Variants in MSRB3 observed in about 807,000 individuals in gnomAD.
MSRB3 encodes the protein methionine sulfoxide reductase B3, also known as methionine-R-sulfoxide reductase B3.
A neutral mutation model predicts 21.0 loss-of-function variants in MSRB3; 13 were observed. The ratio of observed to expected loss-of-function variants is 0.62; its 90% CI spans 0.40 to 0.98. MSRB3 has a LOEUF of 0.98. Ranked by LOEUF, MSRB3 falls within the 50% of genes least tolerant of loss-of-function variation. The probability of loss-of-function intolerance (pLI) is 0.00; values close to 1 mark genes in which losing one functional copy is unlikely to be tolerated. For missense variants in MSRB3, 199 were observed against 230.3 expected (o/e 0.86, Z 0.88); for synonymous variants, 87 against 88.6 (o/e 0.98, Z 0.10).
intron 5 of MSRB3, among the ~76,000 whole-genome samples, chr12:65,380,477 G>C (rs1056182848): frequency 3.3e-5 from 5 of 152,086 alleles, no homozygotes; most frequent in Non-Finnish European, 1.5e-5. Context: ...TTGGGAAGCT[G>C]AGGTGGAGAA....
At position 65,463,349 on chromosome 12, in the gene MSRB3, T is replaced by C; in HGVS notation, c.*27T>C. The stretch of plus-strand genomic sequence containing the variant: ...GTAATGGAGAGTGATGGAAACAAAG[T>C]GTACTTAATGCACAGCTTATTAAAA... On this transcript the variant is annotated 3_prime_UTR_variant, in exon 7 of 7. Coordinates refer to ENST00000308259, the MANE Select transcript of MSRB3 (RefSeq NM_001031679.3). 6.2e-7 allele frequency: 1 copy of C among 1,613,508 alleles called. No homozygotes were observed. The highest frequency in any genetic ancestry group is 8.5e-7 in the Non-Finnish European group (1 of 1,179,526).
intron 1 of MSRB3, among the ~76,000 whole-genome samples, chr12:65,290,417 C>G (rs1457044153): frequency 6.6e-6 from 1 of 152,138 alleles, no homozygotes; most frequent in African/African-American, 2.4e-5. Context: ...TCCCATTTAA[C>G]TTTTTAAGAT....
At chr12:65,335,299 G>GA (rs1875692338) in intron 4 of MSRB3, among the ~76,000 whole-genome samples, 3 of 152,138 alleles carry the variant, frequency 2.0e-5, no homozygotes, top group African/African-American at 7.2e-5. Flanking sequence ...ATTAGACAGG[G>GA]TCTGTCTGTT....
intron 5 of MSRB3, among the ~76,000 whole-genome samples, chr12:65,409,191 TACAC>T (rs569976939): frequency 5.9e-5 from 9 of 151,336 alleles, no homozygotes; most frequent in African/African-American, 1.9e-4. Flanking sequence ...TGTGTGTATA[TACAC>T]ACACACACAT....
chr12:65,419,668 T>G (rs1881174935), intron 5 of MSRB3: 1 of 721,318 alleles, frequency 1.4e-6, no homozygotes, highest in Admixed American at 1.8e-5. Context: ...GGGTCCTGTC[T>G]TCTCCAGGTG....
At position 65,422,405 on chromosome 12, in the gene MSRB3, TA is replaced by T. The variant is rs1565885043; in HGVS notation, c.293-31322del. 2.6e-4 allele frequency among the ~76,000 whole-genome samples: 9 copies of T among 34,236 alleles called. No individual in the cohort carries two copies. The South Asian group carries it at 4.3e-3, about 16-fold the overall frequency. 22.5% of individuals were successfully genotyped at this position (34,236 alleles called of 152,430 possible). A position where few individuals can be genotyped will look rare whatever the true frequency, so the allele number is the denominator to read the frequency against. On this transcript the variant is annotated intron_variant, in intron 5 of 6. Coordinates refer to ENST00000308259, the MANE Select transcript of MSRB3 (RefSeq NM_001031679.3). ...AGTACATAGTATATATATATATATA[TA>T]TATATATATATATATATATATATAT...
chr12:65,439,876 GA>G (rs1454544265), intron 5 of MSRB3, among the ~76,000 whole-genome samples: 1 of 151,372 alleles, frequency 6.6e-6, no homozygotes, highest in Non-Finnish European at 1.5e-5. Flanking sequence ...CCTGGTTAAA[GA>G]AAAAAACCTA....
chr12:65,377,836 C>T (rs973777781), intron 5 of MSRB3, among the ~76,000 whole-genome samples: 3 of 152,116 alleles, frequency 2.0e-5, no homozygotes, highest in African/African-American at 7.2e-5. Flanking sequence ...GAATGTATGT[C>T]ATTTTTAGGT....
At chr12:65,294,390 A>G (rs1185755117) in intron 1 of MSRB3, among the ~76,000 whole-genome samples, 1 of 152,218 alleles carries the variant, frequency 6.6e-6, no homozygotes, top group African/African-American at 2.4e-5. Flanking sequence ...CTTTTCTTCA[A>G]TATAGCCTCT....
At chr12:65,293,523 C>T (rs915127760) in intron 1 of MSRB3, among the ~76,000 whole-genome samples, 4 of 152,158 alleles carry the variant, frequency 2.6e-5, no homozygotes, top group Non-Finnish European at 4.4e-5. Context: ...CTCATCTTTT[C>T]CCGTGTCTGG....
chr12:65,365,584 A>G (rs1185793185), intron 4 of MSRB3, among the ~76,000 whole-genome samples: 1 of 152,138 alleles, frequency 6.6e-6, no homozygotes, highest in Non-Finnish European at 1.5e-5. Context: ...CACAACCCAT[A>G]GTAATGCATA....
intron 4 of MSRB3, among the ~76,000 whole-genome samples, chr12:65,330,390 A>T (rs982189877): frequency 1.3e-5 from 2 of 152,176 alleles, no homozygotes; most frequent in Non-Finnish European, 2.9e-5. Flanking sequence ...GTGATTTAAT[A>T]CTTTCATTCT....
chr12:65,344,223 G>T (rs1241037025), intron 4 of MSRB3: 1 of 152,042 alleles, frequency 6.6e-6, no homozygotes, highest in Non-Finnish European at 1.5e-5. Flanking sequence ...AATAGAGACT[G>T]GAGATCTATT....
At chr12:65,339,958 A>G (rs1394934601) in intron 4 of MSRB3, among the ~76,000 whole-genome samples, 1 of 152,250 alleles carries the variant, frequency 6.6e-6, no homozygotes, top group Non-Finnish European at 1.5e-5. Context: ...TCTGGAGTGC[A>G]ATTTTTCATG....
At chr12:65,318,173 A>G (rs959700214) in intron 2 of MSRB3, among the ~76,000 whole-genome samples, 2 of 152,132 alleles carry the variant, frequency 1.3e-5, no homozygotes, top group Non-Finnish European at 2.9e-5. Context: ...TGGCAACTGA[A>G]GACTTGTTTT....
intron 1 of MSRB3, among the ~76,000 whole-genome samples, chr12:65,279,693 T>TATAAG (rs1871896295): frequency 6.6e-6 from 1 of 152,210 alleles, no homozygotes; most frequent in African/African-American, 2.4e-5. Flanking sequence ...AGTAAGACTT[T>TATAAG]ATAAGATAAT....
At chr12:65,374,870 G>C (rs1878512821) in intron 5 of MSRB3, among the ~76,000 whole-genome samples, 1 of 152,218 alleles carries the variant, frequency 6.6e-6, no homozygotes, top group Admixed American at 6.5e-5. Context: ...TCTTTTTTGA[G>C]ACGGAGTCTT....
intron 5 of MSRB3, among the ~76,000 whole-genome samples, chr12:65,397,714 C>A (rs1487009057): frequency 6.6e-6 from 1 of 151,990 alleles, no homozygotes; most frequent in Non-Finnish European, 1.5e-5. Context: ...ACCCATCAAC[C>A]CATTATCTAC....
chr12:65,452,387 CT>C lies in MSRB3; in HGVS notation c.293-1340del, dbSNP rs148484064. 3.3e-3 allele frequency among the ~76,000 whole-genome samples: 504 copies of C among 152,236 alleles called. 3 individuals are homozygous for C. The highest frequency in any genetic ancestry group is 0.011 in the African/African-American group (465 of 41,558). On this transcript the variant is annotated intron_variant, in intron 5 of 6. Coordinates refer to ENST00000308259, the MANE Select transcript of MSRB3 (RefSeq NM_001031679.3). ...TTCTATTATTAACAAAGAAGAACCC[CT>C]AAATGTGTCAAGTAACCATTGTAAA...
Sources: gnomAD v4.1 joint callset for allele counts (sites outside exome capture counted in the v4.1 genomes callset) on GRCh38, gnomAD v4.1.1 for gene constraint, MANE v1.5 for transcripts, NCBI Gene and HGNC (gene_info 2026-07-23, HGNC 2026-07-21) for gene names.